PREX2: variants seen among roughly 807,000 people sequenced by gnomAD.
PREX2 encodes the protein phosphatidylinositol 3,4,5-trisphosphate-dependent Rac exchanger 2 protein.
In PREX2, 107 loss-of-function variants were observed where a neutral mutation model predicts 203.2. The ratio of observed to expected loss-of-function variants is 0.53; its 90% CI spans 0.45 to 0.62. The LOEUF is 0.62. PREX2 is among the 20% of genes least tolerant of loss of function. The pLI, the probability that PREX2 is intolerant of heterozygous loss-of-function variation, is 0.00. For synonymous variants in PREX2, 672 were observed against 663.6 expected (o/e 1.01, Z -0.19); for missense variants, 1,777 against 1,955.9 (o/e 0.91, Z 1.72).
At chr8:68,218,237 C>T (rs750219495) in intron 38 of PREX2, among the ~76,000 whole-genome samples, 2 of 152,104 alleles carry the variant, frequency 1.3e-5, no homozygotes, top group Non-Finnish European at 2.9e-5. Context: ...TTTGGACTGT[C>T]TTCGGGTCAC....
intron 1 of PREX2, among the ~76,000 whole-genome samples, chr8:67,953,118 G>C (rs1355222401): frequency 1.3e-5 from 2 of 151,940 alleles, no homozygotes; most frequent in Non-Finnish European, 1.5e-5. Flanking sequence ...TCTAGCAGCT[G>C]TTGGATATTA....
chr8:68,152,371 C>CT lies in PREX2; in HGVS notation c.4232-4945dup, dbSNP rs574996788. ...AATATTTATAATTGAAACAATATAG[C>CT]TTTTTTACAAAAGAAGAAATCGTTT... On this transcript the variant is annotated intron_variant, in intron 34 of 39. Transcript: ENST00000288368. 3.2e-3 allele frequency among the ~76,000 whole-genome samples: 479 copies of CT among 149,164 alleles called. 2 individuals carry two copies. The highest frequency in any genetic ancestry group is 0.011 in the African/African-American group (465 of 40,702).
intron 34 of PREX2, among the ~76,000 whole-genome samples, chr8:68,155,407 A>G (rs1379995476): frequency 1.3e-5 from 2 of 152,184 alleles, no homozygotes; most frequent in Non-Finnish European, 2.9e-5. Context: ...CCATTTAAAA[A>G]AAATCTGCAA....
chr8:68,053,226 A>G lies in PREX2; in HGVS notation c.1073A>G (p.Lys358Arg). 6.2e-7 allele frequency: 1 copy of G among 1,613,674 alleles called. No homozygotes were observed. Among genetic ancestry groups the G allele is most frequent in the Non-Finnish European group, 8.5e-7 (1 of 1,179,664 alleles). The change falls in exon 9 of 40, where the codon AAA (lysine) becomes AGA (arginine). Residue 358 changes from lysine to arginine, a missense_variant. By Grantham distance (26) the Lys-to-Arg change is conservative. Coordinates refer to ENST00000288368, the MANE Select transcript of PREX2 (RefSeq NM_024870.4). ...CATGAATGGTTTGAAGCTATTTTGA[A>G]AGAAAGAGAACGGCGGAAAGGTGGG... ...EKHEWFEAIL[K>R]ERERRKGLKL...
At position 67,952,406 on chromosome 8, in the gene PREX2, C is replaced by G. The variant is rs1312079693; in HGVS notation, c.12C>G (p.Asp4Glu). MSE[D>E]SRGDSRAESA... Reference sequence around the variant, plus strand: ...CACCGCCGCCGACCATGAGCGAGGACAGCCGCGGAGACAGCCGCGCCGAGA... The same window carrying G: ...CACCGCCGCCGACCATGAGCGAGGAGAGCCGCGGAGACAGCCGCGCCGAGA... Residue 4 changes from aspartate (D) to glutamate (E), a missense_variant, in exon 1 of 40, where the codon GAC becomes GAG. Transcript: ENST00000288368. The G allele has an allele frequency of 2.0e-5, 31 of 1,558,106 alleles. No individual in the cohort carries two copies. Among genetic ancestry groups the G allele is most frequent in the South Asian group, 1.1e-4 (9 of 84,194 alleles).
intron 23 of PREX2, chr8:68,103,792 G>T (rs1242449303): frequency 2.2e-5 from 11 of 507,874 alleles, no homozygotes; most frequent in Non-Finnish European, 3.9e-5. Context: ...CCTTTCTTGT[G>T]GGGGCTCCTC....
chr8:68,007,523 A>G (rs1807129206), intron 1 of PREX2, among the ~76,000 whole-genome samples: 1 of 151,274 alleles, frequency 6.6e-6, no homozygotes, highest in Non-Finnish European at 1.5e-5. Context: ...TTTAATGAAA[A>G]CAGCATTGAA....
intron 14 of PREX2, among the ~76,000 whole-genome samples, chr8:68,076,228 G>A (rs1414136110): frequency 3.3e-5 from 5 of 152,102 alleles, no homozygotes; most frequent in Non-Finnish European, 7.4e-5. Context: ...AGGTTGAGGC[G>A]AGTGGATCAC....
At position 68,109,504 on chromosome 8, in the gene PREX2, TGG is replaced by T; in HGVS notation, c.3028_3029del (p.Gly1010SerfsTer39). 6.2e-7 allele frequency: 1 copy of T among 1,614,066 alleles called. No individual in the cohort carries two copies. Among genetic ancestry groups the T allele is most frequent in the Non-Finnish European group, 8.5e-7 (1 of 1,179,938 alleles). ...GLSLGQQDGH[G>X]LRYLLKEEDL... ...TGTCTCTGGGACAGCAGGATGGCCA[TGG>T]TCTCAGGTATCTGCTAAAAGAAGAA... is the stretch of plus-strand genomic sequence containing the variant. On this transcript the variant is annotated frameshift_variant, in exon 25 of 40. Transcript: ENST00000288368. LOFTEE classifies it high-confidence loss of function.
chr8:68,076,812 C>T (rs967351763), intron 14 of PREX2, among the ~76,000 whole-genome samples: 6 of 150,022 alleles, frequency 4.0e-5, no homozygotes, highest in African/African-American at 4.9e-5. Context: ...TTGCTTTGGG[C>T]GCTTTTGTTG....
chr8:68,161,501 A>G (rs1811652870), intron 35 of PREX2, among the ~76,000 whole-genome samples: 1 of 152,138 alleles, frequency 6.6e-6, no homozygotes, highest in Non-Finnish European at 1.5e-5. Flanking sequence ...ATTAATGTTA[A>G]GTTTTTAGAA....
chr8:68,069,178 G>A lies in PREX2; in HGVS notation c.1443+42G>A, dbSNP rs148508010. 9.8e-4 allele frequency: 893 copies of A among 907,720 alleles called. 7 individuals carry two copies. The highest frequency in any genetic ancestry group is 8.7e-3 in the African/African-American group (497 of 57,316). 56.2% of individuals were successfully genotyped at this position (907,720 alleles called of 1,614,324 possible). On this transcript the variant is annotated intron_variant, in intron 12 of 39. Transcript: ENST00000288368. ...CAACCTCTCCAATAGTAGAATGCATGTTGTCATTCTTCAGAAGATAAAAGG... is the reference window on the plus strand; with the variant it reads ...CAACCTCTCCAATAGTAGAATGCATATTGTCATTCTTCAGAAGATAAAAGG...
At chr8:68,184,521 G>A (rs1352095705) in intron 35 of PREX2, among the ~76,000 whole-genome samples, 1 of 152,120 alleles carries the variant, frequency 6.6e-6, no homozygotes, top group Non-Finnish European at 1.5e-5. Flanking sequence ...GAATATTTTG[G>A]GATAGGAAGC....
intron 1 of PREX2, among the ~76,000 whole-genome samples, chr8:67,957,707 A>G (rs1181843853): frequency 6.6e-6 from 1 of 152,224 alleles, no homozygotes; most frequent in Non-Finnish European, 1.5e-5. Context: ...TGCATCTGAA[A>G]TCAAACTCTT....
intron 11 of PREX2, among the ~76,000 whole-genome samples, chr8:68,061,942 G>A (rs1039297738): frequency 6.6e-6 from 1 of 152,154 alleles, no homozygotes; most frequent in African/African-American, 2.4e-5. Flanking sequence ...GGTAAATTGT[G>A]GGGGAGGAGA....
At chr8:68,009,212 C>CT (rs1807193377) in intron 1 of PREX2, among the ~76,000 whole-genome samples, 1 of 152,152 alleles carries the variant, frequency 6.6e-6, no homozygotes, top group Non-Finnish European at 1.5e-5. Context: ...TTCATCGGAA[C>CT]TGCATTCTTG....
At chr8:68,206,677 T>A (rs1812631892) in intron 37 of PREX2, among the ~76,000 whole-genome samples, 1 of 152,162 alleles carries the variant, frequency 6.6e-6, no homozygotes, top group South Asian at 2.1e-4. Flanking sequence ...GACAAATGTT[T>A]AGGATTTAAA....
chr8:68,034,404 T>C (rs567622622), intron 6 of PREX2, among the ~76,000 whole-genome samples: 1 of 152,306 alleles, frequency 6.6e-6, no homozygotes, highest in South Asian at 2.1e-4. Flanking sequence ...ATGATAACTG[T>C]AGCCTTTGGA....
chr8:67,992,039 C>T (rs1458963493), intron 1 of PREX2, among the ~76,000 whole-genome samples: 3 of 152,174 alleles, frequency 2.0e-5, no homozygotes, highest in Non-Finnish European at 2.9e-5. Context: ...ATAGCCCAAG[C>T]AATGCATTAA....
Sources: allele counts gnomAD v4.1 joint callset (sites outside exome capture counted in the v4.1 genomes callset), GRCh38; gene constraint gnomAD v4.1.1; transcripts MANE v1.5; gene names NCBI Gene and HGNC (gene_info 2026-07-23, HGNC 2026-07-21).